Variants in CPSF4 observed in about 807,000 individuals in gnomAD.
The protein encoded by CPSF4 is cleavage and polyadenylation specific factor 4.
In CPSF4, 11 loss-of-function variants were observed where a neutral mutation model predicts 37.7. That is an observed-to-expected ratio of 0.29 (90% CI 0.18 to 0.48). The LOEUF (loss-of-function observed/expected upper bound fraction) is 0.48. CPSF4 is among the 20% of genes least tolerant of loss of function. The probability of loss-of-function intolerance (pLI) is 0.99; values close to 1 mark genes in which losing one functional copy is unlikely to be tolerated. For synonymous variants in CPSF4, 132 were observed against 135.9 expected (o/e 0.97, Z 0.20); for missense variants, 144 against 359.5 (o/e 0.40, Z 4.85).
At chr7:99,444,725 T>G in intron 1 of CPSF4, 64 bp from the exon 2 acceptor site, 1 of 1,505,982 alleles carries the variant, frequency 6.6e-7, no homozygotes, top group Non-Finnish European at 9.2e-7. Flanking sequence ...TCCCACTGTC[T>G]TCAGACATTG....
At position 99,456,881 on chromosome 7, in the gene CPSF4, G is replaced by T; in HGVS notation, c.*381G>T. The T allele has an allele frequency of 5.4e-6, 2 of 367,932 alleles. No individual in the cohort carries two copies. Among genetic ancestry groups the T allele is most frequent in the Non-Finnish European group, 1.1e-5 (2 of 188,514 alleles). 22.8% of individuals were successfully genotyped at this position (367,932 alleles called of 1,614,324 possible). ...CAGTTCTTGGTGACGCCAGGGGCTGGTAGGTCATTCAAAGCTGTGGCCAGC... is the reference window on the plus strand; with the variant it reads ...CAGTTCTTGGTGACGCCAGGGGCTGTTAGGTCATTCAAAGCTGTGGCCAGC... On this transcript the variant is annotated 3_prime_UTR_variant, in exon 8 of 8. Transcript: ENST00000292476.
chr7:99,440,674 A>ATATTTTTTT lies in CPSF4; in HGVS notation c.103+1490_103+1491insATTTTTTTT. 1.5e-3 allele frequency among the ~76,000 whole-genome samples: 132 copies of ATATTTTTTT among 88,088 alleles called. 1 individual carries two copies. Among genetic ancestry groups the ATATTTTTTT allele is most frequent in the Non-Finnish European group, 2.0e-3 (108 of 54,766 alleles). The allele number at this position is 88,088 out of a possible 152,430, so 57.8% of individuals were successfully genotyped here. ...ACCTGGCATATATATATATATATAT[A>ATATTTTTTT]TTTTTTTTTTTTTTTTTTTCCTGCC... On this transcript the variant is annotated intron_variant, in intron 1 of 7. Coordinates refer to ENST00000292476, the MANE Select transcript of CPSF4 (RefSeq NM_006693.4).
At chr7:99,452,005 G>A (rs1797964324) in intron 5 of CPSF4, among the ~76,000 whole-genome samples, 1 of 152,232 alleles carries the variant, frequency 6.6e-6, no homozygotes, top group African/African-American at 2.4e-5. Context: ...GCCAGAGTAA[G>A]ACCCTGCGGG....
intron 3 of CPSF4, chr7:99,449,277 G>A (rs1797773315): frequency 6.6e-6 from 1 of 152,346 alleles, no homozygotes; most frequent in Non-Finnish European, 1.5e-5. Flanking sequence ...CTTGTTTTGT[G>A]GAGGTGGCAT....
At chr7:99,456,103 G>C (rs1798287502) in intron 7 of CPSF4, among the ~76,000 whole-genome samples, 1 of 152,248 alleles carries the variant, frequency 6.6e-6, no homozygotes, top group African/African-American at 2.4e-5. Flanking sequence ...ACCCACTTGG[G>C]AGTCCCTCCC....
At position 99,444,877 on chromosome 7, in the gene CPSF4, C is replaced by T. The variant is rs200441692; in HGVS notation, c.154+38C>T. On this transcript the variant is annotated intron_variant, in intron 2 of 7. Transcript: ENST00000292476. ...GGGCTCCCTGATGTGCCTCCGGAGG[C>T]GCCCTCCCACCTCCTTCTCCCCGGC... is the stretch of plus-strand genomic sequence containing the variant. The T allele has an allele frequency of 2.7e-5, 43 of 1,585,514 alleles. No homozygotes were observed. In the African/African-American group the frequency reaches 3.9e-4, roughly 14 times the overall value.
Position 99,450,761 on chromosome 7 carries a change from T to A in CPSF4, c.463T>A (p.Phe155Ile), listed in dbSNP as rs1797873434. Residue 155 changes from phenylalanine (F) to isoleucine (I), a missense_variant, in exon 5 of 8, where the codon TTC becomes ATC. Transcript: ENST00000292476. ...CATCTGTGTGAATTACCTCGTGGGA[T>A]TCTGCCCGGAGGGGCCCTCGTGTAA... Reference protein sequence around the residue: ...RVICVNYLVGFCPEGPSCKFM... With the variant: ...RVICVNYLVGICPEGPSCKFM... The A allele has an allele frequency of 3.1e-6, 5 of 1,614,050 alleles. No individual in the cohort carries two copies. In the East Asian group the frequency reaches 1.1e-4, roughly 36 times the overall value.
intron 1 of CPSF4, chr7:99,441,320 C>T: frequency 2.3e-6 from 1 of 440,844 alleles, no homozygotes; most frequent in Non-Finnish European, 4.6e-6. Flanking sequence ...CTCTTTTCCT[C>T]CCACCCTTCT....
intron 5 of CPSF4, 117 bp from the exon 6 acceptor site, chr7:99,452,251 G>T: frequency 1.2e-6 from 1 of 853,890 alleles, no homozygotes; most frequent in Non-Finnish European, 1.9e-6. Flanking sequence ...TTTGTGCTGG[G>T]GCAGCTGAGT....
At chr7:99,441,375 G>A (rs898218272) in intron 1 of CPSF4, 7 of 456,102 alleles carry the variant, frequency 1.5e-5, no homozygotes, top group East Asian at 1.4e-4. Flanking sequence ...GTACAGTGGC[G>A]AGGGGCCCAC....
chr7:99,450,370 C>T lies in CPSF4; in HGVS notation c.402C>T (p.His134=), dbSNP rs763521903. 205 of 1,608,936 alleles carry T rather than the reference C, an allele frequency of 1.3e-4. No individual in the cohort carries two copies. Among genetic ancestry groups the T allele is most frequent in the Non-Finnish European group, 1.6e-4 (192 of 1,176,018 alleles). Residue 134 remains histidine, a splice_region_variant and synonymous_variant, in exon 4 of 8, where the codon CAC becomes CAT. Transcript: ENST00000292476. ...GGTATGACCGTGGCTTCTGCAAGCA[C>T]GGTAGGTGCCAGGGTGGGCTGGGCC... ...CPWYDRGFCK[H]GPLCRHRHTR...
At chr7:99,450,166 C>T in intron 3 of CPSF4, 110 bp from the exon 4 acceptor site, 2 of 766,896 alleles carry the variant, frequency 2.6e-6, no homozygotes, top group South Asian at 1.5e-5. Flanking sequence ...CCCTGGCTCT[C>T]AGGGCTCGTC....
intron 1 of CPSF4, chr7:99,443,587 G>A: frequency 1.8e-6 from 1 of 553,906 alleles, no homozygotes; most frequent in Non-Finnish European, 3.3e-6. Flanking sequence ...GCCAAGGCAG[G>A]CGGATCACGA....
intron 1 of CPSF4, among the ~76,000 whole-genome samples, chr7:99,444,112 T>A (rs1247098661): frequency 6.6e-6 from 1 of 152,066 alleles, no homozygotes; most frequent in Admixed American, 6.6e-5. Flanking sequence ...CATGTTAAGG[T>A]ATCTGTGAAT....
rs1798320135 is a variant in CPSF4, at chr7:99,456,440, G to A, written c.750G>A (p.Glu250=). ...CTTCCTGCTGTTCCCAGTGTGGCGA[G>A]AAAGGACACTACGCCAACAGATGCA... ...LEQVTCYKCG[E]KGHYANRCTK... Residue 250 remains glutamate, a synonymous_variant, in exon 8 of 8, where the codon GAG becomes GAA. Transcript: ENST00000292476. The A allele has an allele frequency of 1.2e-6, 2 of 1,614,112 alleles. No individual in the cohort carries two copies. The highest frequency in any genetic ancestry group is 1.1e-5 in the South Asian group (1 of 91,084).
rs756069354 is a variant in CPSF4, at chr7:99,454,016, G to T, written c.621G>T (p.Thr207=). 1 of 1,614,194 alleles carries T rather than the reference G, an allele frequency of 6.2e-7. No homozygotes were observed. Among genetic ancestry groups the T allele is most frequent in the Non-Finnish European group, 8.5e-7 (1 of 1,180,022 alleles). ...GGTCGTCCTCCTTGATCCAGTTAACGAGTCAGAACTCTTCTCCCAATCAGC... is the reference window on the plus strand; with the variant it reads ...GGTCGTCCTCCTTGATCCAGTTAACTAGTCAGAACTCTTCTCCCAATCAGC... ...LQRSSSLIQL[T]SQNSSPNQQR... The change falls in exon 7 of 8, where the codon ACG becomes ACT. Residue 207 remains threonine (T), a synonymous_variant. Transcript: ENST00000292476.
chr7:99,449,494 G>GGGTC (rs1797789681), intron 3 of CPSF4, among the ~76,000 whole-genome samples: 1 of 152,220 alleles, frequency 6.6e-6, no homozygotes, highest in Non-Finnish European at 1.5e-5. Context: ...AGTGGCCTGA[G>GGGTC]GGTCGCTCCT....
chr7:99,440,674 A>ATATATATATATTTTTTTTTTTTT, intron 1 of CPSF4, among the ~76,000 whole-genome samples: 6 of 88,080 alleles, frequency 6.8e-5, no homozygotes, highest in South Asian at 8.5e-4. Context: ...ATATATATAT[A>ATATATATATATTTTTTTTTTTTT]TTTTTTTTTT....
intron 2 of CPSF4, among the ~76,000 whole-genome samples, chr7:99,446,046 G>A (rs966992773): frequency 2.6e-5 from 4 of 152,204 alleles, no homozygotes; most frequent in African/African-American, 9.6e-5. Flanking sequence ...GCAAAGGGCT[G>A]GTTTTAATGA....
Sources: allele counts gnomAD v4.1 joint callset (sites outside exome capture counted in the v4.1 genomes callset), GRCh38; gene constraint gnomAD v4.1.1; transcripts MANE v1.5; gene names NCBI Gene and HGNC (gene_info 2026-07-23, HGNC 2026-07-21).